Variants in CNTNAP5 observed in about 807,000 individuals in gnomAD.
CNTNAP5 encodes the protein contactin-associated protein-like 5.
In CNTNAP5, 72 loss-of-function variants were observed where a neutral mutation model predicts 150.2. The observed-to-expected ratio is 0.48, with a 90% CI of 0.40 to 0.58. The LOEUF is 0.58. Among genes scored for constraint, CNTNAP5 ranks in the 20% least tolerant of loss-of-function variants. The probability of loss-of-function intolerance (pLI) is 0.00; values close to 1 mark genes in which losing one functional copy is unlikely to be tolerated. For synonymous variants in CNTNAP5, 672 were observed against 619.8 expected, an observed-to-expected ratio of 1.08 and a Z score of -1.25; for missense variants, 1,636 against 1,626.2, an observed-to-expected ratio of 1.01 and a Z score of -0.10.
chr2:124,670,145 C>CTTCT (rs1278938213), intron 13 of CNTNAP5, among the ~76,000 whole-genome samples: 8 of 127,800 alleles, frequency 6.3e-5, no homozygotes, highest in East Asian at 2.1e-4. Context: ...TCCTTCCTTC[C>CTTCT]TTCCTTCCTT....
intron 10 of CNTNAP5, among the ~76,000 whole-genome samples, chr2:124,560,488 C>T (rs1180168284): frequency 7.0e-6 from 1 of 143,508 alleles, no homozygotes; most frequent in Non-Finnish European, 1.5e-5. Context: ...CACTGCACTC[C>T]AGCCTGGGTG....
At chr2:124,661,566 CTT>C (rs35551884) in intron 13 of CNTNAP5, among the ~76,000 whole-genome samples, 1 of 150,360 alleles carries the variant, frequency 6.7e-6, no homozygotes, top group South Asian at 2.1e-4. Context: ...GGCTGTTTCA[CTT>C]TTTTTTTTAA....
At chr2:124,202,637 A>G (rs1685756714) in intron 1 of CNTNAP5, among the ~76,000 whole-genome samples, 1 of 152,226 alleles carries the variant, frequency 6.6e-6, no homozygotes, top group Non-Finnish European at 1.5e-5. Flanking sequence ...ACAGTTACAC[A>G]TGGCTGGGAA....
At chr2:124,789,860 C>T (rs1049819723) in intron 17 of CNTNAP5, 42 bp from the exon 18 acceptor site, 2 of 1,596,744 alleles carry the variant, frequency 1.3e-6, no homozygotes, top group Admixed American at 1.7e-5. Flanking sequence ...GTATTGAGCC[C>T]TATAATACCT....
chr2:124,293,805 C>CA (rs1358009868), intron 3 of CNTNAP5, among the ~76,000 whole-genome samples: 1 of 151,824 alleles, frequency 6.6e-6, no homozygotes, highest in Non-Finnish European at 1.5e-5. Flanking sequence ...ACAGCAAACA[C>CA]AGAGACTGAC....
chr2:124,246,114 G>T (rs938905784), intron 3 of CNTNAP5, among the ~76,000 whole-genome samples: 2 of 152,022 alleles, frequency 1.3e-5, no homozygotes, highest in East Asian at 1.9e-4. Context: ...TATATAGTTT[G>T]TAGTGCTCTT....
chr2:124,208,563 T>A (rs2104720649), intron 1 of CNTNAP5, among the ~76,000 whole-genome samples: 1 of 152,136 alleles, frequency 6.6e-6, no homozygotes, highest in African/African-American at 2.4e-5. Context: ...AGTGAGAAAA[T>A]ATCTTTCTAG....
At chr2:124,256,523 G>T (rs1413426356) in intron 3 of CNTNAP5, among the ~76,000 whole-genome samples, 1 of 152,024 alleles carries the variant, frequency 6.6e-6, no homozygotes, top group East Asian at 1.9e-4. Context: ...GTACAATAAG[G>T]CAGTACTGTA....
chr2:124,263,249 G>C (rs557119977), intron 3 of CNTNAP5, among the ~76,000 whole-genome samples: 1 of 152,218 alleles, frequency 6.6e-6, no homozygotes, highest in Admixed American at 6.5e-5. Flanking sequence ...GGTTGAACTA[G>C]TTTACAGTCC....
At chr2:124,816,995 A>C (rs1682378456) in intron 19 of CNTNAP5, among the ~76,000 whole-genome samples, 1 of 152,182 alleles carries the variant, frequency 6.6e-6, no homozygotes. Flanking sequence ...TGGGGTGTAA[A>C]CATGAGGGCC....
At chr2:124,139,142 G>A (rs938025352) in intron 1 of CNTNAP5, among the ~76,000 whole-genome samples, 24 of 151,832 alleles carry the variant, frequency 1.6e-4, no homozygotes, top group African/African-American at 5.8e-4. Context: ...ATAAGACTAT[G>A]AGCCACTCGA....
chr2:124,497,907 C>G (rs2104856698), intron 7 of CNTNAP5, among the ~76,000 whole-genome samples: 1 of 152,292 alleles, frequency 6.6e-6, no homozygotes, highest in African/African-American at 2.4e-5. Flanking sequence ...AGTGTAAATT[C>G]ATTCGATTGG....
At chr2:124,332,627 A>G (rs1259226727) in intron 3 of CNTNAP5, among the ~76,000 whole-genome samples, 1 of 151,704 alleles carries the variant, frequency 6.6e-6, no homozygotes, top group African/African-American at 2.4e-5. Flanking sequence ...ATTTAATTTA[A>G]TTTAGTAAAA....
At chr2:124,901,847 T>C (rs947112133) in intron 21 of CNTNAP5, among the ~76,000 whole-genome samples, 2 of 152,054 alleles carry the variant, frequency 1.3e-5, no homozygotes, top group Admixed American at 1.3e-4. Context: ...TTAAAGGAGG[T>C]TAATTTCTCA....
At chr2:124,025,963 A>C (rs1049061763) in intron 1 of CNTNAP5, among the ~76,000 whole-genome samples, 1 of 152,090 alleles carries the variant, frequency 6.6e-6, no homozygotes, top group African/African-American at 2.4e-5. Context: ...AGTTCAAGGG[A>C]TAAGGAAAGG....
chr2:124,526,111 C>A (rs1197070303), intron 9 of CNTNAP5, among the ~76,000 whole-genome samples: 1 of 152,190 alleles, frequency 6.6e-6, no homozygotes, highest in East Asian at 1.9e-4. Flanking sequence ...CAATAAGCAT[C>A]CAACATGCCT....
intron 19 of CNTNAP5, among the ~76,000 whole-genome samples, chr2:124,851,462 G>A (rs1558800219): frequency 6.6e-6 from 1 of 152,190 alleles, no homozygotes; most frequent in African/African-American, 2.4e-5. Context: ...AAAGGAATGG[G>A]GTGTTGCCTC....
At chr2:124,707,096 A>T (rs1406895986) in intron 13 of CNTNAP5, among the ~76,000 whole-genome samples, 3 of 132,022 alleles carry the variant, frequency 2.3e-5, no homozygotes, top group Non-Finnish European at 4.8e-5. Context: ...GAAGAAGAAG[A>T]AGAGGAAGAA....
chr2:124,093,646 C>G (rs1434205957), intron 1 of CNTNAP5, among the ~76,000 whole-genome samples: 1 of 152,200 alleles, frequency 6.6e-6, no homozygotes, highest in Non-Finnish European at 1.5e-5. Context: ...TAAAGCCCAA[C>G]AAAGCCACAG....
Sources: allele counts gnomAD v4.1 joint callset (sites outside exome capture counted in the v4.1 genomes callset), GRCh38; gene constraint gnomAD v4.1.1; transcripts MANE v1.5; gene names NCBI Gene and HGNC (gene_info 2026-07-23, HGNC 2026-07-21).